Variants in ZNF417 observed in about 807,000 individuals in gnomAD.
ZNF417 encodes the protein zinc finger protein 417.
ZNF417 carries 5 observed loss-of-function variants against 7.4 expected under a neutral mutation model. The observed-to-expected ratio is 0.68, with a 90% CI of 0.35 to 1.43. The LOEUF (loss-of-function observed/expected upper bound fraction) is 1.43. Ranked by LOEUF, ZNF417 falls within the 40% of genes most tolerant of loss-of-function variation. The probability of loss-of-function intolerance (pLI) is 0.04; values close to 1 mark genes in which losing one functional copy is unlikely to be tolerated. For synonymous variants in ZNF417, 147 were observed against 239.1 expected (o/e 0.61, Z 3.55); for missense variants, 437 against 697.3 (o/e 0.63, Z 4.20).
In ZNF417 at chr19:57,908,423, C is replaced by A. The variant is rs1450157276; in HGVS notation, c.*127G>T. Reference sequence around the variant, plus strand: ...CGTTCCAATGCGAAGTCTCTTAAGACCAAGGAGAGCAGACATTCTGATGTT... The same window carrying A: ...CGTTCCAATGCGAAGTCTCTTAAGAACAAGGAGAGCAGACATTCTGATGTT... On this transcript the variant is annotated 3_prime_UTR_variant, in exon 3 of 3. Transcript: ENST00000312026. The A allele has an allele frequency of 1.3e-6, 2 of 1,544,938 alleles. No individual in the cohort carries two copies. Among genetic ancestry groups the A allele is most frequent in the South Asian group, 2.4e-5 (2 of 83,798 alleles).
At chr19:57,914,146 G>A (rs1395754285) in intron 1 of ZNF417, among the ~76,000 whole-genome samples, 4 of 152,086 alleles carry the variant, frequency 2.6e-5, no homozygotes, top group Non-Finnish European at 5.9e-5. Context: ...AAAACCTTGG[G>A]CTCATGCCTG....
intron 2 of ZNF417, 47 bp downstream of exon 2, chr19:57,912,013 A>G (rs1475623468): frequency 6.6e-7 from 1 of 1,525,864 alleles, no homozygotes; most frequent in East Asian, 2.3e-5. Context: ...AAAACAGGGG[A>G]ACAGTAACAC....
intron 2 of ZNF417, among the ~76,000 whole-genome samples, chr19:57,911,125 T>G (rs2071895552): frequency 1.3e-5 from 2 of 152,166 alleles, no homozygotes; most frequent in Admixed American, 1.3e-4. Flanking sequence ...ATGGATGGTT[T>G]AACATAGGGC....
chr19:57,912,532 C>A (rs968451432), intron 1 of ZNF417, among the ~76,000 whole-genome samples: 2 of 152,158 alleles, frequency 1.3e-5, no homozygotes, highest in African/African-American at 4.8e-5. Flanking sequence ...ACTGCAAAGA[C>A]ACATCCCCAT....
At chr19:57,911,328 T>C (rs973506975) in intron 2 of ZNF417, among the ~76,000 whole-genome samples, 7 of 152,332 alleles carry the variant, frequency 4.6e-5, no homozygotes, top group Admixed American at 1.3e-4. Flanking sequence ...CCTACTCATA[T>C]TGCCACAAAA....
rs1600151167 is a variant in ZNF417, at chr19:57,916,319, C to A, written c.33+60G>T. 17 of 1,613,760 alleles carry A rather than the reference C, an allele frequency of 1.1e-5. No homozygotes were observed. The East Asian group carries it at 3.6e-4, about 34-fold the overall frequency. ...CCCGTGAGCAGGAGCCGCTCCCTCG[C>A]TGGTTTAGGACCTGGGTGACGATGG... On this transcript the variant is annotated intron_variant, in intron 1 of 2. Transcript: ENST00000312026.
rs1308926873 is a variant in ZNF417, at chr19:57,907,916, G to C, written c.*634C>G. 2 of 153,260 alleles carry C rather than the reference G, an allele frequency of 1.3e-5. No individual in the cohort carries two copies. The highest frequency in any genetic ancestry group is 4.8e-5 in the African/African-American group (2 of 41,578). 9.5% of individuals were successfully genotyped at this position (153,260 alleles called of 1,614,324 possible). A position where few individuals can be genotyped will look rare whatever the true frequency, so the allele number is the denominator to read the frequency against. ...TGAAGTAAGTAGCTAGAAGACAAAA[G>C]CCTCAGAACACATAAATCTCAACGG... On this transcript the variant is annotated 3_prime_UTR_variant, in exon 3 of 3. Transcript: ENST00000312026.
chr19:57,914,260 C>T (rs1217882070), intron 1 of ZNF417, among the ~76,000 whole-genome samples: 2 of 151,728 alleles, frequency 1.3e-5, no homozygotes, highest in African/African-American at 4.8e-5. Flanking sequence ...CTGAGGCAGG[C>T]GAATCACCTG....
Position 57,916,545 on chromosome 19 carries a change from G to T in ZNF417, c.-134C>A, listed in dbSNP as rs1346495270. 69 of 1,530,518 alleles carry T rather than the reference G, an allele frequency of 4.5e-5. No individual in the cohort carries two copies. Among genetic ancestry groups the T allele is most frequent in the South Asian group, 1.5e-4 (12 of 82,002 alleles). 94.8% of individuals were successfully genotyped at this position (1,530,518 alleles called of 1,614,324 possible). ...CCGCGGTCCCCCCCCAGCACTCAGGGGCCACAAACTGGGGAAACACCCGCG... is the reference window on the plus strand; with the variant it reads ...CCGCGGTCCCCCCCCAGCACTCAGGTGCCACAAACTGGGGAAACACCCGCG... On this transcript the variant is annotated 5_prime_UTR_variant, in exon 1 of 3. Coordinates refer to ENST00000312026, the MANE Select transcript of ZNF417 (RefSeq NM_152475.3).
Position 57,910,178 on chromosome 19 carries a change from C to A in ZNF417, c.164-64G>T, listed in dbSNP as rs535226417. ...CTGACGGGAAGGCACAGCCCACCCA[C>A]AAGTACGTCTCACAAATTGAGGAAT... On this transcript the variant is annotated intron_variant, in intron 2 of 2. Coordinates refer to ENST00000312026, the MANE Select transcript of ZNF417 (RefSeq NM_152475.3). 3.2e-6 allele frequency: 5 copies of A among 1,542,778 alleles called. No individual in the cohort carries two copies. The African/African-American group carries it at 4.2e-5, about 13-fold the overall frequency.
rs879183990 is a variant in ZNF417 at position 57,906,409 on chromosome 19, C to T, written c.*2141G>A. 2.0e-5 allele frequency among the ~76,000 whole-genome samples: 3 copies of T among 151,988 alleles called. No individual in the cohort carries two copies. The South Asian group carries it at 6.2e-4, about 32-fold the overall frequency. On this transcript the variant is annotated 3_prime_UTR_variant, in exon 3 of 3. Coordinates refer to ENST00000312026, the MANE Select transcript of ZNF417 (RefSeq NM_152475.3). Reference sequence around the variant, plus strand: ...TACCTTGCTATTTGTAACTTACAATCTTATTCACATTTCTCAAGTGCCATG... The same window carrying T: ...TACCTTGCTATTTGTAACTTACAATTTTATTCACATTTCTCAAGTGCCATG...
intron 1 of ZNF417, among the ~76,000 whole-genome samples, chr19:57,916,061 T>G (rs530459571): frequency 6.6e-6 from 1 of 152,368 alleles, no homozygotes. Context: ...CCCGGAATGC[T>G]AATGGAGACT....
At chr19:57,915,096 C>T (rs1568530840) in intron 1 of ZNF417, among the ~76,000 whole-genome samples, 3 of 152,186 alleles carry the variant, frequency 2.0e-5, no homozygotes, top group Non-Finnish European at 2.9e-5. Flanking sequence ...TCCCTGAACC[C>T]TTTCTTGTCC....
rs1182550037 is a variant in ZNF417, at chr19:57,906,456, T to A, written c.*2094A>T. ...CATGCCTTTAGGTGCCTATACATCA[T>A]GCTATCATAGGATTTCTAGGGATAA... On this transcript the variant is annotated 3_prime_UTR_variant, in exon 3 of 3. Coordinates refer to ENST00000312026, the MANE Select transcript of ZNF417 (RefSeq NM_152475.3). 1.3e-5 allele frequency among the ~76,000 whole-genome samples: 2 copies of A among 152,012 alleles called. No individual in the cohort carries two copies. Among genetic ancestry groups the A allele is most frequent in the East Asian group, 3.9e-4 (2 of 5,164 alleles).
chr19:57,908,452 C>A lies in ZNF417; in HGVS notation c.*98G>T, dbSNP rs568277098. 156 of 1,595,430 alleles carry A rather than the reference C, an allele frequency of 9.8e-5. 1 individual carries two copies. In the South Asian group the frequency reaches 1.5e-3, roughly 16 times the overall value. Reference sequence around the variant, plus strand: ...GGAGAGCAGACATTCTGATGTTTCCCAGATTGACAGCACTCATAAGGCCTT... The same window carrying A: ...GGAGAGCAGACATTCTGATGTTTCCAAGATTGACAGCACTCATAAGGCCTT... On this transcript the variant is annotated 3_prime_UTR_variant, in exon 3 of 3. Coordinates refer to ENST00000312026, the MANE Select transcript of ZNF417 (RefSeq NM_152475.3).
chr19:57,912,861 C>T (rs974289343), intron 1 of ZNF417, among the ~76,000 whole-genome samples: 7 of 151,988 alleles, frequency 4.6e-5, no homozygotes, highest in South Asian at 2.1e-4. Context: ...GTGATCCATC[C>T]GCCTTGGCCT....
chr19:57,915,036 G>T (rs2071935155), intron 1 of ZNF417, among the ~76,000 whole-genome samples: 1 of 152,160 alleles, frequency 6.6e-6, no homozygotes, highest in Non-Finnish European at 1.5e-5. Flanking sequence ...AGTGCCTGAG[G>T]GGAGAGGCAG....
Position 57,909,213 on chromosome 19 carries a change from C to T in ZNF417, c.1065G>A (p.Gly355=), listed in dbSNP as rs756065144. The T allele has an allele frequency of 3.7e-6, 6 of 1,614,028 alleles. No homozygotes were observed. The East Asian group carries it at 1.3e-4, about 36-fold the overall frequency. The change falls in exon 3 of 3, where the codon GGG becomes GGA. Residue 355 remains glycine (G), a synonymous_variant. Transcript: ENST00000312026. ...TCTGACGAAAAGATTTCCCACATTC[C>T]CCACAGTGATAAGCTCTCTCTCCAG... The part of the protein sequence containing the change: ...GHTGERAYHC[G]ECGKSFRQKF...
rs1391363488 is a variant in ZNF417, at chr19:57,905,854, AACT to A, written c.*2693_*2695del. ...AAGTTGCATACAAGCAGGAAGATTT[AACT>A]TCATAAGAGAATTAACAAAAGTTGT... On this transcript the variant is annotated 3_prime_UTR_variant, in exon 3 of 3. Coordinates refer to ENST00000312026, the MANE Select transcript of ZNF417 (RefSeq NM_152475.3). Among the ~76,000 whole-genome samples the A allele has an allele frequency of 6.6e-6, 1 of 152,266 alleles. No individual in the cohort carries two copies. Among genetic ancestry groups the A allele is most frequent in the East Asian group, 1.9e-4 (1 of 5,206 alleles).
Sources: allele counts gnomAD v4.1 joint callset (sites outside exome capture counted in the v4.1 genomes callset), GRCh38; gene constraint gnomAD v4.1.1; transcripts MANE v1.5; gene names NCBI Gene and HGNC (gene_info 2026-07-23, HGNC 2026-07-21).